Variants in MADD observed in about 807,000 individuals in gnomAD.
MADD encodes the protein MAP kinase activating death domain.
In MADD, 109 loss-of-function variants were observed where a neutral mutation model predicts 176.7. The ratio of observed to expected loss-of-function variants is 0.62; its 90% CI spans 0.53 to 0.72. The LOEUF (loss-of-function observed/expected upper bound fraction) is 0.72, where lower values mean the gene tolerates loss of function less well. Among genes scored for constraint, MADD ranks in the 30% least tolerant of loss-of-function variants. The pLI, the probability that MADD is intolerant of heterozygous loss-of-function variation, is 0.00. For missense variants in MADD, 1,914 were observed against 2,045.5 expected (o/e 0.94, Z 1.24); for synonymous variants, 771 against 771.3 (o/e 1.00, Z 0.01).
intron 3 of MADD, 34 bp downstream of exon 3, chr11:47,275,193 C>T: frequency 6.4e-7 from 1 of 1,557,780 alleles, no homozygotes; most frequent in South Asian, 1.2e-5. Context: ...ATGGGGGAAG[C>T]ATTTAGAGAT....
intron 25 of MADD, 151 bp from the exon 29 acceptor site, chr11:47,311,581 A>C: frequency 1.7e-6 from 1 of 597,038 alleles, no homozygotes; most frequent in East Asian, 2.8e-5. Context: ...CAGAATACAC[A>C]GTTGAAAGTT....
At chr11:47,309,576 T>A (rs1219349571) in exon 25 of MADD, 1 of 1,614,144 alleles carries the variant, frequency 6.2e-7, no homozygotes, top group South Asian at 1.1e-5. Flanking sequence ...TGGCCACACT[T>A]CTGCACAACC....
intron 15 of MADD, among the ~76,000 whole-genome samples, chr11:47,287,566 C>T (rs755435256): frequency 1.3e-5 from 2 of 151,946 alleles, no homozygotes; most frequent in African/African-American, 2.4e-5. Context: ...CATACCACCT[C>T]GCCTGGCTAA....
At chr11:47,328,278 C>A in intron 31 of MADD, 1 of 1,147,212 alleles carries the variant, frequency 8.7e-7, no homozygotes, top group Non-Finnish European at 1.1e-6. Flanking sequence ...AGAGCTCTCT[C>A]CTCCCAGCCA....
intron 9 of MADD, 67 bp from the exon 10 acceptor site, chr11:47,282,742 CCTTT>C (rs2057858528): frequency 1.3e-6 from 2 of 1,595,784 alleles, no homozygotes; most frequent in Admixed American, 1.7e-5. Flanking sequence ...CTTTTTCCTG[CCTTT>C]CTTTCAGGCG....
chr11:47,281,265 A>G (rs992259112), intron 7 of MADD, among the ~76,000 whole-genome samples: 2 of 152,244 alleles, frequency 1.3e-5, no homozygotes, highest in East Asian at 3.8e-4. Context: ...AATGACTATA[A>G]TAATTTTGCA....
At chr11:47,299,251 C>G (rs1397749570) in intron 22 of MADD, among the ~76,000 whole-genome samples, 2 of 152,030 alleles carry the variant, frequency 1.3e-5, no homozygotes, top group African/African-American at 4.8e-5. Context: ...CTGTAGATCA[C>G]TTTTGGTAGT....
intron 27 of MADD, among the ~76,000 whole-genome samples, chr11:47,315,980 C>T (rs911669415): frequency 2.6e-5 from 4 of 151,510 alleles, no homozygotes; most frequent in Admixed American, 6.6e-5. Context: ...TACAGGCATG[C>T]GCCACCATGC....
chr11:47,319,133 T>A (rs1352038397), intron 27 of MADD, among the ~76,000 whole-genome samples: 1 of 103,318 alleles, frequency 9.7e-6, no homozygotes, highest in East Asian at 4.3e-4. Flanking sequence ...ATATATATAA[T>A]TTTTTTTTTT....
chr11:47,273,687 C>T, intron 1 of MADD, 140 bp from the exon 2 acceptor site: 1 of 463,640 alleles, frequency 2.2e-6, no homozygotes, highest in Non-Finnish European at 4.0e-6. Context: ...AGACACGAGG[C>T]TAGGCAAGCG....
At chr11:47,309,669 C>A in intron 25 of MADD, 57 bp downstream of exon 28, 1 of 1,361,030 alleles carries the variant, frequency 7.3e-7, no homozygotes, top group Non-Finnish European at 1.1e-6. Context: ...AAGGCTTGTT[C>A]CTGTCGCCTA....
rs987501344 is a variant in MADD, at chr11:47,314,001, G to A, written c.4090-1219G>A. On this transcript the variant is annotated intron_variant, in intron 26 of 32. Transcript: ENST00000402192. Reference sequence around the variant, plus strand: ...TCTCCAACTCCTGACCTTTTGATCCGCCCACCTCGGCCTCCCAAAGTGCTG... The same window carrying A: ...TCTCCAACTCCTGACCTTTTGATCCACCCACCTCGGCCTCCCAAAGTGCTG... 4.6e-5 allele frequency among the ~76,000 whole-genome samples: 7 copies of A among 151,836 alleles called. No individual in the cohort carries two copies. In the South Asian group the frequency reaches 1.0e-3, roughly 23 times the overall value.
intron 9 of MADD, 49 bp downstream of exon 9, chr11:47,282,665 C>T: frequency 1.3e-6 from 2 of 1,598,896 alleles, no homozygotes; most frequent in Non-Finnish European, 1.7e-6. Flanking sequence ...CTCTGTCCTC[C>T]TGATGGACTT....
chr11:47,294,700 A>C (rs982246471), intron 20 of MADD, among the ~76,000 whole-genome samples: 3 of 150,976 alleles, frequency 2.0e-5, no homozygotes, highest in Admixed American at 1.3e-4. Context: ...AAAATGAACA[A>C]CCTCAAAACA....
At chr11:47,307,273 G>A (rs989706466) in intron 22 of MADD, among the ~76,000 whole-genome samples, 12 of 152,118 alleles carry the variant, frequency 7.9e-5, no homozygotes, top group African/African-American at 2.9e-4. Flanking sequence ...AATTCCAAAT[G>A]TATTAAAATA....
At chr11:47,277,347 C>T (rs1394794784) in intron 5 of MADD, among the ~76,000 whole-genome samples, 1 of 152,182 alleles carries the variant, frequency 6.6e-6, no homozygotes, top group African/African-American at 2.4e-5. Context: ...GGCTGGAGTA[C>T]AGTGGCACAA....
chr11:47,290,327 G>C, intron 18 of MADD, 28 bp downstream of exon 19: 2 of 1,607,214 alleles, frequency 1.2e-6, no homozygotes, highest in East Asian at 4.5e-5. Context: ...TGGGCACCAC[G>C]CCATCCCTAA....
At chr11:47,303,898 G>A (rs1387813152) in intron 22 of MADD, among the ~76,000 whole-genome samples, 5 of 152,026 alleles carry the variant, frequency 3.3e-5, no homozygotes, top group Non-Finnish European at 4.4e-5. Context: ...GTGAGCCACC[G>A]CATCTGGCTG....
chr11:47,303,865 C>T (rs2080176560), intron 22 of MADD, among the ~76,000 whole-genome samples: 1 of 152,106 alleles, frequency 6.6e-6, no homozygotes, highest in South Asian at 2.1e-4. Flanking sequence ...GCCTTGGCCT[C>T]CCAAAGTGCT....
Sources: allele counts gnomAD v4.1 joint callset (sites outside exome capture counted in the v4.1 genomes callset), GRCh38; gene constraint gnomAD v4.1.1; transcripts MANE v1.5; gene names NCBI Gene and HGNC (gene_info 2026-07-23, HGNC 2026-07-21).